LRBA: variants seen among roughly 807,000 people sequenced by gnomAD.
LRBA encodes LPS responsive beige-like anchor protein.
LRBA carries 176 observed loss-of-function variants against 330.0 expected under a neutral mutation model. The observed-to-expected ratio is 0.53, with a 90% CI of 0.47 to 0.60. LRBA has a LOEUF of 0.60. Ranked by LOEUF, LRBA falls within the 20% of genes least tolerant of loss-of-function variation. The pLI, the probability that LRBA is intolerant of heterozygous loss-of-function variation, is 0.00. For missense variants in LRBA, 3,259 were observed against 3,444.8 expected (o/e 0.95, Z 1.35); for synonymous variants, 1,230 against 1,193.0 (o/e 1.03, Z -0.64).
At chr4:150,730,931 T>C (rs1255042322) in intron 36 of LRBA, among the ~76,000 whole-genome samples, 1 of 152,004 alleles carries the variant, frequency 6.6e-6, no homozygotes, top group Non-Finnish European at 1.5e-5. Flanking sequence ...GTCATGAGAA[T>C]CGCCTGAACC....
intron 37 of LRBA, among the ~76,000 whole-genome samples, chr4:150,644,117 A>G (rs139878439): frequency 6.6e-6 from 1 of 152,060 alleles, no homozygotes. Flanking sequence ...TTTAAATAAC[A>G]TGTTTTTAAA....
At chr4:150,334,636 T>C (rs1734400272) in intron 48 of LRBA, among the ~76,000 whole-genome samples, 1 of 152,084 alleles carries the variant, frequency 6.6e-6, no homozygotes, top group South Asian at 2.1e-4. Flanking sequence ...GGAGGAAGGA[T>C]GAAAAGATTG....
chr4:150,493,338 A>G (rs1328463447), intron 40 of LRBA, among the ~76,000 whole-genome samples: 1 of 152,218 alleles, frequency 6.6e-6, no homozygotes, highest in Non-Finnish European at 1.5e-5. Flanking sequence ...CAGCACTAGA[A>G]TACTAGAATC....
intron 35 of LRBA, among the ~76,000 whole-genome samples, chr4:150,759,583 T>C (rs1734789318): frequency 6.6e-6 from 1 of 152,162 alleles, no homozygotes; most frequent in Admixed American, 6.5e-5. Context: ...ATACCAACCT[T>C]TTTTACTTCC....
At chr4:150,310,805 GAT>G (rs1730964905) in intron 51 of LRBA, 1 of 155,404 alleles carries the variant, frequency 6.4e-6, no homozygotes, top group Non-Finnish European at 1.4e-5. Flanking sequence ...ACAAGGAAGA[GAT>G]ATTAGGATTT....
intron 4 of LRBA, among the ~76,000 whole-genome samples, chr4:150,922,867 T>C (rs996405896): frequency 2.0e-5 from 3 of 152,190 alleles, no homozygotes; most frequent in Non-Finnish European, 4.4e-5. Context: ...GGTATTATTA[T>C]GATTATCCGC....
intron 8 of LRBA, 103 bp from the exon 9 acceptor site, chr4:150,914,444 T>G: frequency 1.4e-6 from 1 of 702,894 alleles, no homozygotes; most frequent in Non-Finnish European, 2.2e-6. Context: ...CTAAACTGTA[T>G]CTAAATAGAC....
At chr4:150,650,428 T>A (rs138141249) in intron 37 of LRBA, among the ~76,000 whole-genome samples, 58 of 152,320 alleles carry the variant, frequency 3.8e-4, no homozygotes, top group African/African-American at 1.4e-3. Context: ...TAAAACTTGT[T>A]ATTTGGAATG....
chr4:150,643,209 G>A (rs1389937156), intron 37 of LRBA, among the ~76,000 whole-genome samples: 1 of 151,856 alleles, frequency 6.6e-6, no homozygotes, highest in Non-Finnish European at 1.5e-5. Context: ...GGAAAATGCA[G>A]ACCATTAGAG....
At chr4:150,710,108 G>T (rs115112102) in intron 36 of LRBA, among the ~76,000 whole-genome samples, 1 of 152,152 alleles carries the variant, frequency 6.6e-6, no homozygotes, top group African/African-American at 2.4e-5. Context: ...AATAAGACAA[G>T]AGATTACTCC....
intron 53 of LRBA, among the ~76,000 whole-genome samples, chr4:150,289,443 AC>A (rs1236419226): frequency 3.9e-5 from 6 of 152,204 alleles, no homozygotes; most frequent in African/African-American, 1.4e-4. Flanking sequence ...TTCAGGAAAT[AC>A]AAAAGAGAGA....
intron 37 of LRBA, among the ~76,000 whole-genome samples, chr4:150,670,289 ACCTCC>A (rs1375161899): frequency 6.6e-5 from 10 of 152,144 alleles, no homozygotes; most frequent in African/African-American, 2.2e-4. Context: ...GCTGTCTCTT[ACCTCC>A]CATTTATAAA....
In LRBA at chr4:150,349,997, T is replaced by A. The variant is rs1459222726; in HGVS notation, c.7357A>T (p.Arg2453Ter). 1.2e-6 allele frequency: 2 copies of A among 1,613,588 alleles called. No individual in the cohort carries two copies. The highest frequency in any genetic ancestry group is 1.7e-6 in the Non-Finnish European group (2 of 1,179,744). Reference protein sequence around the residue: ...NLNSITDPVLREAVEAQIRSF... With the variant: ...NLNSITDPVL ...TCTCAATTCAGATAACTTACCTCTC[T>A]CAACACAGGATCAGTTATTGAATTC... The change falls in exon 48 of 57, where the codon AGA becomes TGA. Residue 2453 changes from arginine (R) to a stop codon, truncating the protein, a stop_gained. Transcript: ENST00000651943. LOFTEE classifies it high-confidence loss of function.
chr4:150,371,181 A>ATTTTTT (rs1274384749), intron 47 of LRBA, among the ~76,000 whole-genome samples: 2 of 136,754 alleles, frequency 1.5e-5, no homozygotes, highest in Admixed American at 7.2e-5. Context: ...CAAGCTACTA[A>ATTTTTT]ATTTTTTTTT....
intron 39 of LRBA, 62 bp from the exon 40 acceptor site, chr4:150,588,246 G>A (rs1772369936): frequency 2.7e-6 from 4 of 1,507,062 alleles, no homozygotes; most frequent in Non-Finnish European, 1.8e-6. Flanking sequence ...AATCAAATTC[G>A]ACCAGAAATT....
intron 52 of LRBA, among the ~76,000 whole-genome samples, chr4:150,305,946 C>T (rs145753418): frequency 6.6e-6 from 1 of 152,068 alleles, no homozygotes; most frequent in Non-Finnish European, 1.5e-5. Flanking sequence ...TGTTCCTCAA[C>T]CTTTATTTTT....
intron 47 of LRBA, among the ~76,000 whole-genome samples, chr4:150,364,490 A>G (rs1739159842): frequency 6.6e-6 from 1 of 152,238 alleles, no homozygotes; most frequent in African/African-American, 2.4e-5. Flanking sequence ...CATATTAACC[A>G]CAACACATCC....
In LRBA at chr4:150,949,192, G is replaced by A. The variant is rs6821095; in HGVS notation, c.217-20127C>T. Among the ~76,000 whole-genome samples the A allele has an allele frequency of 4.2e-3, 638 of 152,042 alleles. 6 individuals carry two copies. Among genetic ancestry groups the A allele is most frequent in the African/African-American group, 0.015 (611 of 41,518 alleles). On this transcript the variant is annotated intron_variant, in intron 2 of 56. Coordinates refer to ENST00000651943, the MANE Select transcript of LRBA (RefSeq NM_001364905.1). ...AATAGCCAAAAAGTGGAAATCACTC[G>A]GATGTCCTTCAACAGCTAAATGGTT...
At chr4:150,630,661 A>G (rs1274900262) in intron 37 of LRBA, among the ~76,000 whole-genome samples, 2 of 152,184 alleles carry the variant, frequency 1.3e-5, no homozygotes, top group African/African-American at 4.8e-5. Context: ...ATAATGGTTG[A>G]ATAGTATGAT....
Sources: allele counts gnomAD v4.1 joint callset (sites outside exome capture counted in the v4.1 genomes callset), GRCh38; gene constraint gnomAD v4.1.1; transcripts MANE v1.5; gene names NCBI Gene and HGNC (gene_info 2026-07-23, HGNC 2026-07-21).